WDR25: variants seen among roughly 807,000 people sequenced by gnomAD.
WDR25 encodes WD repeat domain 25, also known as WD repeat-containing protein 25.
WDR25 carries 35 observed loss-of-function variants against 47.7 expected under a neutral mutation model. The ratio of observed to expected loss-of-function variants is 0.73; its 90% CI spans 0.56 to 0.97. WDR25 has a LOEUF of 0.97. WDR25 is among the 50% of genes least tolerant of loss of function. The probability of loss-of-function intolerance (pLI) is 0.00; values close to 1 mark genes in which losing one functional copy is unlikely to be tolerated. For synonymous variants in WDR25, 248 were observed against 278.9 expected (o/e 0.89, Z 1.10); for missense variants, 634 against 704.7 (o/e 0.90, Z 1.14).
intron 2 of WDR25, among the ~76,000 whole-genome samples, chr14:100,447,546 T>C (rs1343887958): frequency 1.3e-5 from 2 of 151,270 alleles, no homozygotes; most frequent in Non-Finnish European, 2.9e-5. Flanking sequence ...GGGAGGGAGG[T>C]TGGGGTAATC....
At chr14:100,389,789 G>A (rs192198369) in intron 2 of WDR25, among the ~76,000 whole-genome samples, 22 of 152,352 alleles carry the variant, frequency 1.4e-4, no homozygotes, top group African/African-American at 4.8e-4. Context: ...CTTTGCCAGG[G>A]CTTGTGGGGC....
Position 100,488,548 on chromosome 14 carries a change from A to G in WDR25, c.1101+4424A>G, listed in dbSNP as rs1900459987. Among the ~76,000 whole-genome samples, 1 of 152,124 alleles carries G rather than the reference A, an allele frequency of 6.6e-6. No individual in the cohort carries two copies. Reference sequence around the variant, plus strand: ...AATTGGTATCGTAAAGTGGCAGGCCAAGCCACGCCTCCAAAGTAGCGTTTC... The same window carrying G: ...AATTGGTATCGTAAAGTGGCAGGCCGAGCCACGCCTCCAAAGTAGCGTTTC... On this transcript the variant is annotated intron_variant, in intron 4 of 6. Transcript: ENST00000402312. This position sits in a 1 kb window ranked among gnomAD's most constrained non-coding sequence, Gnocchi z 4.2.
intron 4 of WDR25, among the ~76,000 whole-genome samples, chr14:100,504,190 C>A (rs1258676135): frequency 6.6e-6 from 1 of 152,162 alleles, no homozygotes; most frequent in Non-Finnish European, 1.5e-5. Context: ...AAACTGTTAT[C>A]CCATCTAGTA....
At chr14:100,478,769 A>G (rs1900103664) in intron 3 of WDR25, among the ~76,000 whole-genome samples, 1 of 152,220 alleles carries the variant, frequency 6.6e-6, no homozygotes, top group South Asian at 2.1e-4. Context: ...ATCGTCTTTT[A>G]GCAATTCAGC....
chr14:100,474,661 T>C (rs535186764), intron 3 of WDR25, among the ~76,000 whole-genome samples: 70 of 152,318 alleles, frequency 4.6e-4, no homozygotes, highest in African/African-American at 1.6e-3. Flanking sequence ...TGAGAACTCT[T>C]ATTATTATTT....
At chr14:100,379,701 A>G (rs2140133058) in intron 1 of WDR25, among the ~76,000 whole-genome samples, 1 of 142,696 alleles carries the variant, frequency 7.0e-6, no homozygotes, top group African/African-American at 2.6e-5. Flanking sequence ...GTCTTCTTTT[A>G]TGTCCTTCAA....
chr14:100,381,528 C>G lies in WDR25; in HGVS notation c.604C>G (p.Pro202Ala), dbSNP rs762454634. 1 of 1,613,918 alleles carries G rather than the reference C, an allele frequency of 6.2e-7. No individual in the cohort carries two copies. The highest frequency in any genetic ancestry group is 8.5e-7 in the Non-Finnish European group (1 of 1,179,918). ...GGGTAAAGACGTGGAGCCACAGGGG[C>G]CCCCTGCAGGGCGTGCCCCAGCCCC... Reference protein sequence around the residue: ...GKGKDVEPQGPPAGRAPAPLY... With the variant: ...GKGKDVEPQGAPAGRAPAPLY... The change falls in exon 2 of 7, where the codon CCC becomes GCC. Residue 202 changes from proline (P) to alanine (A), a missense_variant. By Grantham distance (27) the Pro-to-Ala change is conservative. Transcript: ENST00000402312.
chr14:100,450,017 C>A (rs897762156), intron 2 of WDR25, among the ~76,000 whole-genome samples: 1 of 152,226 alleles, frequency 6.6e-6, no homozygotes, highest in East Asian at 1.9e-4. Flanking sequence ...TGCTCTCTCC[C>A]CTCTGCGCAC....
At position 100,499,525 on chromosome 14, in the gene WDR25, G is replaced by T. The variant is rs1276444946; in HGVS notation, c.1101+15401G>T. On this transcript the variant is annotated intron_variant, in intron 4 of 6. Coordinates refer to ENST00000402312, the MANE Select transcript of WDR25 (RefSeq NM_001161476.3). This position sits in a 1 kb window ranked among gnomAD's most constrained non-coding sequence, Gnocchi z 4.4. ...AGTGGAAGTGCCAGCTAACCCTGAA[G>T]AATGGGTTCATTTGTTAGTTTGCTT... Among the ~76,000 whole-genome samples, 2 of 152,218 alleles carry T rather than the reference G, an allele frequency of 1.3e-5. No individual in the cohort carries two copies. The highest frequency in any genetic ancestry group is 2.9e-5 in the Non-Finnish European group (2 of 68,038).
intron 2 of WDR25, among the ~76,000 whole-genome samples, chr14:100,426,802 G>A (rs1275420240): frequency 6.6e-6 from 1 of 152,150 alleles, no homozygotes; most frequent in Non-Finnish European, 1.5e-5. Context: ...ACCGGGCACA[G>A]AGAAACAAAA....
rs915145708 is a variant in WDR25 at position 100,448,194 on chromosome 14, A to C, written c.823-19827A>C. 6.9e-4 allele frequency among the ~76,000 whole-genome samples: 8 copies of C among 11,652 alleles called. No homozygotes were observed. In the Admixed American group the frequency reaches 0.016, roughly 23 times the overall value. 7.6% of individuals were successfully genotyped at this position (11,652 alleles called of 152,430 possible). A position where few individuals can be genotyped will look rare whatever the true frequency, so the allele number is the denominator to read the frequency against. ...TGGAAAACGAGCAAAACTCCGTCTC[A>C]AAAAAAAAAAAAAAAAAAGAAGATT... On this transcript the variant is annotated intron_variant, in intron 2 of 6. Coordinates refer to ENST00000402312, the MANE Select transcript of WDR25 (RefSeq NM_001161476.3).
At chr14:100,513,445 A>G (rs1901378433) in intron 4 of WDR25, among the ~76,000 whole-genome samples, 1 of 152,242 alleles carries the variant, frequency 6.6e-6, no homozygotes, top group Non-Finnish European at 1.5e-5. Flanking sequence ...CCCACCATCC[A>G]GAAATGGGAG....
Position 100,525,891 on chromosome 14 carries a change from A to G in WDR25, c.1123A>G (p.Thr375Ala). 6.2e-7 allele frequency: 1 copy of G among 1,613,852 alleles called. No homozygotes were observed. Among genetic ancestry groups the G allele is most frequent in the Non-Finnish European group, 8.5e-7 (1 of 1,179,884 alleles). The change falls in exon 5 of 7, where the codon ACC becomes GCC. Residue 375 changes from threonine (T) to alanine (A), a missense_variant. By Grantham distance (58) the Thr-to-Ala change is moderately conservative. Coordinates refer to ENST00000402312, the MANE Select transcript of WDR25 (RefSeq NM_001161476.3). This position sits in a 1 kb window ranked among gnomAD's most constrained non-coding sequence, Gnocchi z 4.6. Reference protein sequence around the residue: ...TGKVMRSYKATIQQTLDILFL... With the variant: ...TGKVMRSYKAAIQQTLDILFL... ...GCAGGTGATGAGAAGCTACAAGGCG[A>G]CCATCCAGCAGACCTTGGACATCCT...
At position 100,468,157 on chromosome 14, in the gene WDR25, A is replaced by G; in HGVS notation, c.959A>G (p.Asp320Gly). 6.2e-7 allele frequency: 1 copy of G among 1,611,900 alleles called. No individual in the cohort carries two copies. The highest frequency in any genetic ancestry group is 1.7e-4 in the Middle Eastern group (1 of 6,046). ...GGFDFALHLT[D>G]LETGTQLFSG... ...TTTGACTTCGCGCTGCACCTAACAG[A>G]CCTTGAAACAGGTGCGTTTCTTGTG... The change falls in exon 3 of 7, where the codon GAC becomes GGC. Residue 320 changes from aspartate (D) to glycine (G), a missense_variant. Physicochemically the swap from Asp to Gly is moderately conservative, Grantham distance 94. Transcript: ENST00000402312. The surrounding 1 kb of genome is among the most constrained non-coding windows in gnomAD (Gnocchi z 4.5).
At chr14:100,522,729 T>C (rs1267500580) in intron 4 of WDR25, among the ~76,000 whole-genome samples, 1 of 152,186 alleles carries the variant, frequency 6.6e-6, no homozygotes, top group Non-Finnish European at 1.5e-5. Context: ...CAGACGGAAG[T>C]TACTTGCCCA....
chr14:100,414,152 C>A (rs1021574862), intron 2 of WDR25, among the ~76,000 whole-genome samples: 3 of 151,620 alleles, frequency 2.0e-5, no homozygotes, highest in African/African-American at 7.3e-5. Flanking sequence ...TGCACCACCA[C>A]GCCTGGCTAA....
Position 100,381,496 on chromosome 14 carries a change from C to T in WDR25, c.572C>T (p.Thr191Ile), listed in dbSNP as rs1296303174. The T allele has an allele frequency of 6.2e-7, 1 of 1,614,194 alleles. No individual in the cohort carries two copies. Among genetic ancestry groups the T allele is most frequent in the South Asian group, 1.1e-5 (1 of 91,080 alleles). The change falls in exon 2 of 7, where the codon ACA becomes ATA. Residue 191 changes from threonine (T) to isoleucine (I), a missense_variant. Coordinates refer to ENST00000402312, the MANE Select transcript of WDR25 (RefSeq NM_001161476.3). ...CAGCGGCAGGCATTAAGCACGGAGA[C>T]AGGCAAGGGTAAAGACGTGGAGCCA... ...LRQRQALSTE[T>I]GKGKDVEPQG...
intron 4 of WDR25, among the ~76,000 whole-genome samples, chr14:100,484,607 G>T (rs142677674): frequency 3.8e-4 from 58 of 152,190 alleles, no homozygotes; most frequent in African/African-American, 1.3e-3. Flanking sequence ...AAGGCTGGTT[G>T]TGATTTCCAT....
chr14:100,495,682 T>C (rs1438679609), intron 4 of WDR25, among the ~76,000 whole-genome samples: 1 of 152,234 alleles, frequency 6.6e-6, no homozygotes, highest in Non-Finnish European at 1.5e-5. Flanking sequence ...TGGTTTGCCT[T>C]ACGATCTCAC....
Sources: gnomAD v4.1 joint callset for allele counts (sites outside exome capture counted in the v4.1 genomes callset) on GRCh38, gnomAD v4.1.1 for gene constraint, Gnocchi (gnomAD v3.1) non-coding constraint, MANE v1.5 for transcripts, NCBI Gene and HGNC (gene_info 2026-07-23, HGNC 2026-07-21) for gene names.